The following CLVS1 variants were observed in gnomAD, a reference collection of about 807,000 sequenced individuals.
CLVS1 encodes the protein clavesin-1.
In CLVS1, 10 loss-of-function variants were observed where a neutral mutation model predicts 33.1. That is an observed-to-expected ratio of 0.30 (90% CI 0.19 to 0.51). CLVS1 has a LOEUF of 0.51. Among genes scored for constraint, CLVS1 ranks in the 20% least tolerant of loss-of-function variants. The pLI is 0.97. For missense variants in CLVS1, 343 were observed against 433.4 expected (o/e 0.79, Z 1.85); for synonymous variants, 163 against 166.1 (o/e 0.98, Z 0.14).
chr8:61,285,205 G>A (rs1809752540), upstream of CLVS1, among the ~76,000 whole-genome samples: 1 of 152,126 alleles, frequency 6.6e-6, no homozygotes, highest in Non-Finnish European at 1.5e-5. Context: ...TCAAAATATT[G>A]TAAAGAATGC....
intron 5 of CLVS1, among the ~76,000 whole-genome samples, chr8:61,476,976 A>G (rs968197036): frequency 1.2e-4 from 19 of 152,212 alleles, no homozygotes; most frequent in African/African-American, 1.7e-4. Context: ...CATCCCATCA[A>G]TACCTAATTT....
chr8:61,050,253 T>C, the CLVS1 span, among the ~76,000 whole-genome samples: 1 of 152,250 alleles, frequency 6.6e-6, no homozygotes, highest in African/African-American at 2.4e-5. Flanking sequence ...CTTCGATATG[T>C]GGAAATGCAT....
intron 2 of CLVS1, among the ~76,000 whole-genome samples, chr8:61,331,546 C>A (rs186046758): frequency 1.2e-3 from 182 of 147,606 alleles, no homozygotes; most frequent in African/African-American, 4.0e-3. Context: ...AAAAAAAACT[C>A]TTTTCTTGCC....
chr8:61,387,162 C>A (rs1253680873), intron 3 of CLVS1, among the ~76,000 whole-genome samples: 1 of 152,136 alleles, frequency 6.6e-6, no homozygotes, highest in East Asian at 1.9e-4. Context: ...CCGAAGTGGG[C>A]AGATCACCTG....
intron 1 of CLVS1, among the ~76,000 whole-genome samples, chr8:61,112,597 T>G (rs1229914953): frequency 6.6e-6 from 1 of 152,202 alleles, no homozygotes. Context: ...TGTATTTTTA[T>G]AAGAGATTAG....
At chr8:61,232,840 C>T (rs1418531826) in intron 2 of CLVS1, among the ~76,000 whole-genome samples, 4 of 152,174 alleles carry the variant, frequency 2.6e-5, no homozygotes, top group Admixed American at 2.6e-4. Flanking sequence ...ATTACTCATG[C>T]TTTATCTCAA....
Position 61,202,318 on chromosome 8 carries a change from C to T in CLVS1, c.-152+70458C>T, listed in dbSNP as rs554662386. The T allele has an allele frequency of 7.3e-6, 5 of 687,802 alleles. No homozygotes were observed. The East Asian group carries it at 7.7e-5, about 11-fold the overall frequency. 42.6% of individuals were successfully genotyped at this position (687,802 alleles called of 1,614,324 possible). On this transcript the variant is annotated intron_variant, in intron 2 of 2. Coordinates refer to the CLVS1 transcript ENST00000522621. The stretch of plus-strand genomic sequence containing the variant: ...GCAGCATTCGTTTATCTTCGTCCGC[C>T]TTCTCTCCTACCTAAGTGCGTGCTG...
At chr8:61,262,174 C>T (rs903859476) in intron 2 of CLVS1, among the ~76,000 whole-genome samples, 6 of 152,086 alleles carry the variant, frequency 3.9e-5, no homozygotes, top group African/African-American at 1.2e-4. Context: ...GCCACCGTGC[C>T]TGGCTAATTA....
the CLVS1 span, among the ~76,000 whole-genome samples, chr8:61,051,711 A>T: frequency 2.6e-5 from 4 of 152,206 alleles, no homozygotes; most frequent in Non-Finnish European, 5.9e-5. Flanking sequence ...GTTCCCATCC[A>T]TTTTGACCTC....
intron 2 of CLVS1, among the ~76,000 whole-genome samples, chr8:61,358,431 AG>A: frequency 6.6e-6 from 1 of 152,318 alleles, no homozygotes; most frequent in Non-Finnish European, 1.5e-5. Flanking sequence ...CTATCTGCTC[AG>A]GCTTAGTCGA....
the CLVS1 span, among the ~76,000 whole-genome samples, chr8:60,979,676 A>G: frequency 6.6e-6 from 1 of 152,206 alleles, no homozygotes; most frequent in South Asian, 2.1e-4. Flanking sequence ...CACATGGTCC[A>G]CCAACCCCAG....
intron 2 of CLVS1, among the ~76,000 whole-genome samples, chr8:61,317,280 T>G (rs933857401): frequency 6.6e-6 from 1 of 152,164 alleles, no homozygotes; most frequent in African/African-American, 2.4e-5. Context: ...TGTCCTCACA[T>G]GGCAGAAAGC....
At chr8:61,375,448 A>G (rs7820291) in intron 2 of CLVS1, among the ~76,000 whole-genome samples, 2,827 of 151,994 alleles carry the variant, frequency 0.019, 101 homozygotes, top group African/African-American at 0.063. Flanking sequence ...ACGGGGTTTC[A>G]CCATGTTGGC....
At chr8:61,393,323 AT>A (rs1563532965) in intron 3 of CLVS1, among the ~76,000 whole-genome samples, 1 of 152,096 alleles carries the variant, frequency 6.6e-6, no homozygotes, top group Admixed American at 6.6e-5. Context: ...TAAAAAAAAA[AT>A]CTCTTTAAGT....
At chr8:61,192,952 GAC>G (rs965804460) in intron 2 of CLVS1, among the ~76,000 whole-genome samples, 7 of 152,332 alleles carry the variant, frequency 4.6e-5, no homozygotes, top group African/African-American at 1.7e-4. Flanking sequence ...CATTGTGGAA[GAC>G]AGTGTGGCAA....
At chr8:60,987,438 T>C in the CLVS1 span, among the ~76,000 whole-genome samples, 2 of 152,170 alleles carry the variant, frequency 1.3e-5, no homozygotes, top group Non-Finnish European at 2.9e-5. Context: ...GCAGTGCTCT[T>C]GAGTTTTATG....
chr8:61,214,454 G>A (rs1331491842), intron 2 of CLVS1, among the ~76,000 whole-genome samples: 1 of 152,084 alleles, frequency 6.6e-6, no homozygotes, highest in African/African-American at 2.4e-5. Flanking sequence ...GACGCTTAAG[G>A]AAAATAGAAA....
the CLVS1 span, among the ~76,000 whole-genome samples, chr8:61,026,731 G>A: frequency 1.3e-5 from 2 of 152,180 alleles, no homozygotes; most frequent in Admixed American, 1.3e-4. Context: ...GACACAAAAA[G>A]CACTTTCCTG....
chr8:61,223,862 T>C (rs1181555567), intron 2 of CLVS1, among the ~76,000 whole-genome samples: 1 of 152,200 alleles, frequency 6.6e-6, no homozygotes, highest in Non-Finnish European at 1.5e-5. Context: ...GAGGCTTTGC[T>C]CATTCCTTTA....
Sources: allele counts gnomAD v4.1 joint callset (sites outside exome capture counted in the v4.1 genomes callset), GRCh38; gene constraint gnomAD v4.1.1; transcripts MANE v1.5; gene names NCBI Gene and HGNC (gene_info 2026-07-23, HGNC 2026-07-21).